The following GPBP1L1 variants were observed in gnomAD, a reference collection of about 807,000 sequenced individuals.
GPBP1L1 encodes GC-rich promoter binding protein 1 like 1.
In GPBP1L1, 23 loss-of-function variants were observed where a neutral mutation model predicts 52.5. That is an observed-to-expected ratio of 0.44 (90% CI 0.32 to 0.62). The LOEUF (loss-of-function observed/expected upper bound fraction) is 0.62. Among genes scored for constraint, GPBP1L1 ranks in the 20% least tolerant of loss-of-function variants. GPBP1L1 has a pLI of 0.06. For synonymous variants in GPBP1L1, 243 were observed against 203.1 expected, an observed-to-expected ratio of 1.20 and a Z score of -1.67; for missense variants, 596 against 579.3, an observed-to-expected ratio of 1.03 and a Z score of -0.30.
chr1:45,671,831 T>TAATAAATAAATA lies in GPBP1L1; in HGVS notation c.-1097-10618_-1097-10607dup, dbSNP rs141577520. On this transcript the variant is annotated intron_variant, in intron 2 of 12. Coordinates refer to ENST00000355105, the MANE Select transcript of GPBP1L1 (RefSeq NM_021639.5). The stretch of plus-strand genomic sequence containing the variant: ...CAGAGCGAGACTCTGTCTCTAATAA[T>TAATAAATAAATA]AATAAATAAATAAATAAATAAATAA... 2.5e-3 allele frequency among the ~76,000 whole-genome samples: 380 copies of TAATAAATAAATA among 151,206 alleles called. 1 individual carries two copies. The highest frequency in any genetic ancestry group is 0.012 in the East Asian group (60 of 5,140).
chr1:45,685,982 C>G (rs1056720615), intron 1 of GPBP1L1, among the ~76,000 whole-genome samples: 27 of 152,168 alleles, frequency 1.8e-4, no homozygotes, highest in Non-Finnish European at 2.9e-5. Context: ...ATTTGACTTA[C>G]ACTTTTTCCT....
In GPBP1L1 at chr1:45,659,045, T is replaced by G. The variant is rs1480577489; in HGVS notation, c.43A>C (p.Thr15Pro). ...AACAGTACCTTAGCTGACTGTGGTG[T>G]TGAGAAATTTAGCCAAGCAGGAACA... ...DFVPAWLNFS[T>P]PQSAKSPTAT... The change falls in exon 4 of 13, where the codon ACA (threonine) becomes CCA (proline). Residue 15 changes from threonine (T) to proline (P), a missense_variant. By Grantham distance (38) the Thr-to-Pro change is conservative. Coordinates refer to ENST00000355105, the MANE Select transcript of GPBP1L1 (RefSeq NM_021639.5). 1.2e-6 allele frequency: 2 copies of G among 1,612,074 alleles called. No homozygotes were observed. Among genetic ancestry groups the G allele is most frequent in the Non-Finnish European group, 1.7e-6 (2 of 1,178,188 alleles).
intron 6 of GPBP1L1, among the ~76,000 whole-genome samples, chr1:45,647,359 AT>A (rs1644762504): frequency 6.6e-6 from 1 of 151,824 alleles, no homozygotes; most frequent in African/African-American, 2.4e-5. Context: ...CTGCAGCTCA[AT>A]CTGGATTATA....
At chr1:45,646,221 G>A (rs1041787538) in intron 6 of GPBP1L1, 1 of 268,668 alleles carries the variant, frequency 3.7e-6, no homozygotes, top group Non-Finnish European at 7.3e-6. Context: ...AACAATGCCG[G>A]AAAGAGCAAT....
chr1:45,655,539 G>A (rs1290592066), intron 4 of GPBP1L1: 2 of 402,292 alleles, frequency 5.0e-6, no homozygotes, highest in Non-Finnish European at 8.8e-6. Context: ...TTCCAGGAGA[G>A]GAGAAAAGCT....
At chr1:45,667,219 TTATAA>T (rs1645021460) in intron 2 of GPBP1L1, among the ~76,000 whole-genome samples, 1 of 152,152 alleles carries the variant, frequency 6.6e-6, no homozygotes, top group African/African-American at 2.4e-5. Flanking sequence ...ACTAAAAAAA[TTATAA>T]TAAAGCAGTC....
intron 6 of GPBP1L1, among the ~76,000 whole-genome samples, chr1:45,646,682 C>G (rs905945277): frequency 2.0e-5 from 3 of 151,848 alleles, no homozygotes; most frequent in African/African-American, 4.8e-5. Context: ...CACAGCCTCC[C>G]GAGTAGCTAG....
intron 2 of GPBP1L1, among the ~76,000 whole-genome samples, chr1:45,678,846 A>G (rs1335766302): frequency 6.6e-6 from 1 of 152,210 alleles, no homozygotes; most frequent in Non-Finnish European, 1.5e-5. Flanking sequence ...ATTTACTCAC[A>G]TGGAAAGTGG....
intron 4 of GPBP1L1, among the ~76,000 whole-genome samples, chr1:45,658,486 A>C (rs1644909640): frequency 6.6e-6 from 1 of 152,258 alleles, no homozygotes; most frequent in Non-Finnish European, 1.5e-5. Context: ...TAAAAAAAGA[A>C]AAAAAGAAAC....
At chr1:45,679,343 A>G (rs1300836526) in intron 2 of GPBP1L1, among the ~76,000 whole-genome samples, 1 of 152,196 alleles carries the variant, frequency 6.6e-6, no homozygotes, top group African/African-American at 2.4e-5. Context: ...TGCTTAGGAA[A>G]CTGCTCCAGC....
chr1:45,632,756 G>A (rs963251330), intron 10 of GPBP1L1, among the ~76,000 whole-genome samples: 24 of 152,108 alleles, frequency 1.6e-4, no homozygotes, highest in African/African-American at 5.8e-4. Flanking sequence ...TCAAATCACA[G>A]ACTTGGAGAA....
rs766088173 is a variant in GPBP1L1, at chr1:45,659,052, A to G, written c.36T>C (p.Asn12=). The G allele has an allele frequency of 1.2e-6, 2 of 1,613,750 alleles. No individual in the cohort carries two copies. The highest frequency in any genetic ancestry group is 4.5e-5 in the East Asian group (2 of 44,882). The change falls in exon 4 of 13, where the codon AAT becomes AAC. Residue 12 remains asparagine, a synonymous_variant. Coordinates refer to ENST00000355105, the MANE Select transcript of GPBP1L1 (RefSeq NM_021639.5). ...AQHDFVPAWL[N]FSTPQSAKSP... ...CCTTAGCTGACTGTGGTGTTGAGAA[A>G]TTTAGCCAAGCAGGAACAAAATCAT...
chr1:45,686,679 C>G (rs1175475534), upstream of GPBP1L1: 1 of 152,274 alleles, frequency 6.6e-6, no homozygotes, highest in Non-Finnish European at 1.5e-5. Flanking sequence ...GCGACCCTCC[C>G]GGACGCCAGT....
intron 2 of GPBP1L1, among the ~76,000 whole-genome samples, chr1:45,673,677 T>C (rs540522616): frequency 1.6e-4 from 24 of 152,280 alleles, no homozygotes; most frequent in African/African-American, 4.3e-4. Flanking sequence ...CTGACCAATA[T>C]GGTGAAACCC....
chr1:45,655,943 A>C (rs1644879820), intron 4 of GPBP1L1: 1 of 152,314 alleles, frequency 6.6e-6, no homozygotes, highest in South Asian at 2.1e-4. Flanking sequence ...CTAATTTTCT[A>C]AATTTTTTGT....
chr1:45,651,476 C>A, intron 6 of GPBP1L1: 1 of 452,876 alleles, frequency 2.2e-6, no homozygotes, highest in Admixed American at 3.4e-5. Context: ...TTCTTCTCAG[C>A]CTGGGCCAAT....
chr1:45,631,271 C>A (rs1212189656), intron 10 of GPBP1L1, among the ~76,000 whole-genome samples: 1 of 151,968 alleles, frequency 6.6e-6, no homozygotes, highest in African/African-American at 2.4e-5. Flanking sequence ...TATTTACTTA[C>A]TTATTTTTGG....
At chr1:45,634,916 TGG>T (rs1249869026) in intron 8 of GPBP1L1, 3 of 152,188 alleles carry the variant, frequency 2.0e-5, no homozygotes, top group Non-Finnish European at 4.4e-5. Context: ...GGCAAGCCAG[TGG>T]AGTGGTGCTG....
rs1644804504 is a variant in GPBP1L1, at chr1:45,650,290, C to T, written c.477+4253G>A. 2.0e-5 allele frequency among the ~76,000 whole-genome samples: 3 copies of T among 152,176 alleles called. No homozygotes were observed. In the South Asian group the frequency reaches 6.2e-4, roughly 32 times the overall value. On this transcript the variant is annotated intron_variant, in intron 6 of 12. Transcript: ENST00000355105. ...AGAGTAGTGTATCATTCATCACCAA[C>T]TTACTCTCTAACCCTTACAACCACA...
Sources: allele counts gnomAD v4.1 joint callset (sites outside exome capture counted in the v4.1 genomes callset), GRCh38; gene constraint gnomAD v4.1.1; transcripts MANE v1.5; gene names NCBI Gene and HGNC (gene_info 2026-07-23, HGNC 2026-07-21).